RELN: variants seen among roughly 807,000 people sequenced by gnomAD.
The protein encoded by RELN is reelin.
A neutral mutation model predicts 427.6 loss-of-function variants in RELN; 108 were observed. The ratio of observed to expected loss-of-function variants is 0.25; its 90% confidence interval spans 0.22 to 0.30. The LOEUF (loss-of-function observed/expected upper bound fraction) is 0.30. Among genes scored for constraint, RELN ranks in the 10% least tolerant of loss-of-function variants. RELN has a pLI of 1.00. For missense variants in RELN, 3,715 were observed against 4,302.8 expected (o/e 0.86, Z 3.82); for synonymous variants, 1,524 against 1,513.4 (o/e 1.01, Z -0.16).
intron 7 of RELN, among the ~76,000 whole-genome samples, chr7:103,726,001 G>A (rs1367660796): frequency 6.6e-6 from 1 of 152,170 alleles, no homozygotes; most frequent in African/African-American, 2.4e-5. Flanking sequence ...CAGTAAGAAT[G>A]GGCTTTATGA....
Position 103,604,358 on chromosome 7 carries a change from T to C in RELN, c.3134A>G (p.His1045Arg), listed in dbSNP as rs771787725. Residue 1045 changes from histidine to arginine, a missense_variant, in exon 23 of 65, where the codon CAT (histidine) becomes CGT (arginine). Coordinates refer to ENST00000428762, the MANE Select transcript of RELN (RefSeq NM_005045.4). ...CTGGTGCACATACCTGCATATGCCA[T>C]GATCGCATGAGCCATGCCCACTGCA... ...NMCSGHGSCD[H>R]GICRCDQGYQ... The C allele has an allele frequency of 2.5e-6, 4 of 1,613,708 alleles. No homozygotes were observed. Among genetic ancestry groups the C allele is most frequent in the African/African-American group, 2.7e-5 (2 of 74,908 alleles).
chr7:103,977,667 C>A (rs1796909279), intron 1 of RELN, among the ~76,000 whole-genome samples: 1 of 152,106 alleles, frequency 6.6e-6, no homozygotes, highest in South Asian at 2.1e-4. Flanking sequence ...CCTACTACCA[C>A]GACTCCTTTA....
At chr7:103,643,348 T>G (rs1483503845) in intron 16 of RELN, among the ~76,000 whole-genome samples, 2 of 152,096 alleles carry the variant, frequency 1.3e-5, no homozygotes, top group Non-Finnish European at 2.9e-5. Flanking sequence ...GGAATGCTAT[T>G]AATCTACCTG....
chr7:103,901,641 G>C (rs1298875770), intron 2 of RELN, among the ~76,000 whole-genome samples: 4 of 151,972 alleles, frequency 2.6e-5, no homozygotes, highest in South Asian at 2.1e-4. Context: ...AAAGAAGCTA[G>C]TCACAAAAGG....
intron 55 of RELN, among the ~76,000 whole-genome samples, chr7:103,497,478 G>A (rs548938685): frequency 3.1e-4 from 47 of 152,176 alleles, no homozygotes; most frequent in African/African-American, 1.1e-3. Flanking sequence ...CACATAAGCT[G>A]TTAAAAATGC....
intron 46 of RELN, among the ~76,000 whole-genome samples, chr7:103,531,807 C>T (rs555497614): frequency 2.6e-4 from 39 of 152,118 alleles, no homozygotes; most frequent in South Asian, 4.2e-4. Context: ...CAGATGCTGG[C>T]GAAGTTGTGG....
chr7:103,682,772 T>C (rs1833683119), intron 10 of RELN, among the ~76,000 whole-genome samples: 1 of 152,168 alleles, frequency 6.6e-6, no homozygotes, highest in African/African-American at 2.4e-5. Flanking sequence ...CCAGATATAA[T>C]CACATATTCT....
intron 46 of RELN, among the ~76,000 whole-genome samples, chr7:103,532,261 AG>A (rs1378282862): frequency 1.3e-5 from 2 of 152,058 alleles, no homozygotes; most frequent in Admixed American, 1.3e-4. Context: ...TGGACACACA[AG>A]GGGGGAACAA....
chr7:103,979,362 T>C (rs954362257), intron 1 of RELN, among the ~76,000 whole-genome samples: 3 of 152,190 alleles, frequency 2.0e-5, no homozygotes, highest in Non-Finnish European at 4.4e-5. Flanking sequence ...CCATCCCTCA[T>C]GCTTCACTCC....
intron 45 of RELN, 128 bp downstream of exon 45, chr7:103,538,950 T>C (rs1830116576): frequency 1.9e-6 from 2 of 1,026,442 alleles, no homozygotes. Context: ...TACAGTGTGG[T>C]TTGACTCAAA....
chr7:103,653,951 A>T, intron 13 of RELN, 142 bp downstream of exon 13: 1 of 667,508 alleles, frequency 1.5e-6, no homozygotes, highest in Non-Finnish European at 2.7e-6. Flanking sequence ...TGTCTATTTC[A>T]CTTTTAAAGA....
intron 2 of RELN, among the ~76,000 whole-genome samples, chr7:103,845,679 A>G (rs961861682): frequency 1.3e-5 from 2 of 152,170 alleles, no homozygotes; most frequent in African/African-American, 4.8e-5. Context: ...AAGTCTCAGG[A>G]TACAAAATCA....
chr7:103,638,999 T>C (rs1832642164), intron 17 of RELN, among the ~76,000 whole-genome samples: 1 of 152,248 alleles, frequency 6.6e-6, no homozygotes, highest in Admixed American at 6.5e-5. Context: ...AGGTAATTTT[T>C]TTCCCCAAAA....
intron 4 of RELN, among the ~76,000 whole-genome samples, chr7:103,762,491 A>G (rs993827700): frequency 1.1e-4 from 17 of 152,344 alleles, no homozygotes; most frequent in African/African-American, 4.1e-4. Context: ...TATCTCAGTC[A>G]TAATCTTAAA....
chr7:103,572,543 A>ATT (rs1049209702), intron 30 of RELN, among the ~76,000 whole-genome samples: 1 of 148,254 alleles, frequency 6.7e-6, no homozygotes, highest in African/African-American at 2.5e-5. Flanking sequence ...GTTATAATTT[A>ATT]TTTTTTTTTT....
chr7:103,540,109 T>C (rs1260464306), intron 44 of RELN, 88 bp downstream of exon 44: 11 of 1,475,476 alleles, frequency 7.5e-6, no homozygotes, highest in Non-Finnish European at 9.4e-6. Context: ...TTTCATCTAC[T>C]GAGCAAGCAG....
chr7:103,823,978 C>T (rs912231450), intron 3 of RELN, among the ~76,000 whole-genome samples: 2 of 151,986 alleles, frequency 1.3e-5, no homozygotes, highest in African/African-American at 4.8e-5. Context: ...GATATTGTTC[C>T]ATTGTCTTCT....
In RELN at chr7:103,879,603, C is replaced by G. The variant is rs546650497; in HGVS notation, c.337+37472G>C. Among the ~76,000 whole-genome samples the G allele has an allele frequency of 2.2e-4, 33 of 152,324 alleles. No homozygotes were observed. In the South Asian group the frequency reaches 6.4e-3, roughly 30 times the overall value. ...GGCTTCCTGCAACATGTGAATAGAT[C>G]TGACAGGTGTCTCCATTCCAAACAC... On this transcript the variant is annotated intron_variant, in intron 2 of 64. Coordinates refer to ENST00000428762, the MANE Select transcript of RELN (RefSeq NM_005045.4).
At chr7:103,792,957 T>C (rs1002801348) in intron 3 of RELN, among the ~76,000 whole-genome samples, 1 of 152,182 alleles carries the variant, frequency 6.6e-6, no homozygotes, top group South Asian at 2.1e-4. Context: ...ACATTTTTGT[T>C]GCTTGAAACA....
Sources: gnomAD v4.1 joint callset for allele counts (sites outside exome capture counted in the v4.1 genomes callset) on GRCh38, gnomAD v4.1.1 for gene constraint, MANE v1.5 for transcripts, NCBI Gene and HGNC (gene_info 2026-07-23, HGNC 2026-07-21) for gene names.